NUP153: variants seen among roughly 807,000 people sequenced by gnomAD.
The protein encoded by NUP153 is nucleoporin 153.
NUP153 carries 27 observed loss-of-function variants against 134.6 expected under a neutral mutation model. The observed-to-expected ratio is 0.20, with a 90% CI of 0.15 to 0.28. NUP153 has a LOEUF of 0.28. NUP153 is among the 10% of genes least tolerant of loss of function. The pLI is 1.00. For synonymous variants in NUP153, 640 were observed against 623.5 expected (o/e 1.03, Z -0.40); for missense variants, 1,821 against 1,731.3 (o/e 1.05, Z -0.92).
intron 14 of NUP153, among the ~76,000 whole-genome samples, chr6:17,643,042 G>A (rs1765936077): frequency 6.6e-6 from 1 of 152,180 alleles, no homozygotes; most frequent in African/African-American, 2.4e-5. Flanking sequence ...CTTTTTAATG[G>A]ACAGGGGTTT....
intron 11 of NUP153, 47 bp from the exon 12 acceptor site, chr6:17,649,347 C>A: frequency 1.3e-6 from 2 of 1,547,848 alleles, no homozygotes; most frequent in Non-Finnish European, 1.8e-6. Flanking sequence ...TCACATCATT[C>A]TTTTATCTCT....
At chr6:17,700,979 C>A (rs958697320) in intron 1 of NUP153, among the ~76,000 whole-genome samples, 1 of 151,888 alleles carries the variant, frequency 6.6e-6, no homozygotes, top group African/African-American at 2.4e-5. Context: ...CAGCACTTCG[C>A]GGGAGGCCAA....
At chr6:17,663,034 T>C (rs955586040) in intron 9 of NUP153, among the ~76,000 whole-genome samples, 3 of 152,082 alleles carry the variant, frequency 2.0e-5, no homozygotes, top group Non-Finnish European at 1.5e-5. Flanking sequence ...AGTGACAACA[T>C]GTAAATAGAA....
intron 8 of NUP153, among the ~76,000 whole-genome samples, chr6:17,668,069 C>CTTTTTTTTTTTTTTTTTTTTTTT (rs762142682): frequency 1.1e-5 from 1 of 87,228 alleles, no homozygotes; most frequent in Non-Finnish European, 2.1e-5. Context: ...GTTTACTGAA[C>CTTTTTTTTTTTTTTTTTTTTTTT]TTTTTTTTTT....
In NUP153 at chr6:17,674,921, C is replaced by T. The variant is rs775696215; in HGVS notation, c.836G>A (p.Arg279Gln). ...GGAACCTACCTGATAAGGTGTATTT[C>T]GTAGTTTAGACTGTCTTACAGCAGC... ...AAAAVRQSKL[R>Q]NTPYQAPVRR... Residue 279 changes from arginine to glutamine, a missense_variant, in exon 5 of 22, where the codon CGA becomes CAA. Transcript: ENST00000262077. 8.1e-6 allele frequency: 13 copies of T among 1,608,996 alleles called. No individual in the cohort carries two copies. Among genetic ancestry groups the T allele is most frequent in the Admixed American group, 1.7e-5 (1 of 58,890 alleles).
At position 17,706,668 on chromosome 6, in the gene NUP153, C is replaced by G. The variant is rs942391184; in HGVS notation, c.-281G>C. 39 of 505,984 alleles carry G rather than the reference C, an allele frequency of 7.7e-5. 1 individual carries two copies. The highest frequency in any genetic ancestry group is 7.0e-4 in the African/African-American group (34 of 48,334). The allele number at this position is 505,984 out of a possible 1,614,324, so 31.3% of individuals were successfully genotyped here. A position where few individuals can be genotyped will look rare whatever the true frequency, so the allele number is the denominator to read the frequency against. Reference sequence around the variant, plus strand: ...CCCGCCTCTGTGTGTGTCACGGTCTCTATGGAGATCTCCCGCAGAGGACAG... The same window carrying G: ...CCCGCCTCTGTGTGTGTCACGGTCTGTATGGAGATCTCCCGCAGAGGACAG... On this transcript the variant is annotated 5_prime_UTR_variant, in exon 1 of 22. Coordinates refer to ENST00000262077, the MANE Select transcript of NUP153 (RefSeq NM_005124.4). This position sits in a 1 kb window ranked among gnomAD's most constrained non-coding sequence, Gnocchi z 5.9.
chr6:17,654,134 C>T (rs1766665581), intron 11 of NUP153, among the ~76,000 whole-genome samples: 1 of 152,110 alleles, frequency 6.6e-6, no homozygotes, highest in African/African-American at 2.4e-5. Flanking sequence ...TGAAATTTGT[C>T]ATAATCAACT....
chr6:17,705,706 A>G (rs1770437594), intron 1 of NUP153, among the ~76,000 whole-genome samples: 1 of 152,090 alleles, frequency 6.6e-6, no homozygotes, highest in Non-Finnish European at 1.5e-5. Context: ...CAATGCTCTC[A>G]AGACGAGGAG....
At chr6:17,662,823 A>C (rs1044173345) in intron 9 of NUP153, among the ~76,000 whole-genome samples, 1 of 152,186 alleles carries the variant, frequency 6.6e-6, no homozygotes, top group East Asian at 1.9e-4. Flanking sequence ...ACTGAAATCT[A>C]ATCATGAGGA....
chr6:17,636,643 A>G (rs1296449599), intron 16 of NUP153, among the ~76,000 whole-genome samples: 6 of 152,140 alleles, frequency 3.9e-5, no homozygotes, highest in African/African-American at 1.4e-4. Context: ...GAACAGAGAA[A>G]CAGAAAAAAC....
Position 17,628,575 on chromosome 6 carries a change from G to A in NUP153, c.3544+80C>T, listed in dbSNP as rs774683812. The A allele has an allele frequency of 3.3e-5, 23 of 700,850 alleles. No individual in the cohort carries two copies. Among genetic ancestry groups the A allele is most frequent in the Non-Finnish European group, 4.5e-5 (23 of 509,052 alleles). The allele number at this position is 700,850 out of a possible 1,614,324, so 43.4% of individuals were successfully genotyped here. On this transcript the variant is annotated intron_variant, in intron 18 of 21. Transcript: ENST00000262077. The surrounding 1 kb of genome is among the most constrained non-coding windows in gnomAD (Gnocchi z 5.4). The stretch of plus-strand genomic sequence containing the variant: ...AGTGTAAACCATTAATTGACTTGCT[G>A]CATCTGTCAAGGCAACTTGTAAAAC...
Position 17,632,660 on chromosome 6 carries a change from A to C in NUP153, c.2649T>G (p.Ser883=). 1.2e-6 allele frequency: 2 copies of C among 1,602,904 alleles called. No individual in the cohort carries two copies. Among genetic ancestry groups the C allele is most frequent in the South Asian group, 2.2e-5 (2 of 88,980 alleles). ...TTTTTTTGGCCTTACCTTTAAACCC[A>C]GATTTTGTGCCTGGCTTTGCACTTT... ...ACESAKPGTK[S]GFKGFDTSSS... The change falls in exon 17 of 22, where the codon TCT becomes TCG. Residue 883 remains serine, a synonymous_variant. Transcript: ENST00000262077.
intron 1 of NUP153, among the ~76,000 whole-genome samples, chr6:17,695,643 A>G (rs1281468368): frequency 6.6e-6 from 1 of 152,222 alleles, no homozygotes; most frequent in Non-Finnish European, 1.5e-5. Flanking sequence ...ACAGCCAACT[A>G]TAAGACATTA....
At chr6:17,673,987 T>C (rs927585893) in intron 5 of NUP153, among the ~76,000 whole-genome samples, 7 of 152,166 alleles carry the variant, frequency 4.6e-5, no homozygotes, top group African/African-American at 1.4e-4. Context: ...GTACTAACCA[T>C]ACTACTCAGC....
chr6:17,667,555 A>G (rs1266681717), intron 8 of NUP153, among the ~76,000 whole-genome samples: 1 of 152,144 alleles, frequency 6.6e-6, no homozygotes, highest in African/African-American at 2.4e-5. Flanking sequence ...TCTACTAAAA[A>G]TACAAAAAAT....
chr6:17,623,227 T>A (rs1764740106), intron 20 of NUP153, among the ~76,000 whole-genome samples: 1 of 151,118 alleles, frequency 6.6e-6, no homozygotes, highest in South Asian at 2.1e-4. Flanking sequence ...AAAATCCTGA[T>A]CAAAATGGTT....
At chr6:17,652,961 G>A (rs1193358686) in intron 11 of NUP153, among the ~76,000 whole-genome samples, 2 of 152,142 alleles carry the variant, frequency 1.3e-5, no homozygotes, top group Non-Finnish European at 1.5e-5. Context: ...CCCACGAGGC[G>A]GAGGTTGCAG....
intron 11 of NUP153, among the ~76,000 whole-genome samples, chr6:17,652,890 G>A (rs576661790): frequency 3.4e-4 from 51 of 152,122 alleles, no homozygotes; most frequent in South Asian, 1.2e-3. Flanking sequence ...TTAGCTGGGC[G>A]TGGTGGCGCA....
At chr6:17,633,452 T>C (rs1391663926) in intron 16 of NUP153, among the ~76,000 whole-genome samples, 1 of 152,222 alleles carries the variant, frequency 6.6e-6, no homozygotes, top group Admixed American at 6.5e-5. Context: ...AGACATTTAT[T>C]AAGCATCATA....
Sources: gnomAD v4.1 joint callset for allele counts (sites outside exome capture counted in the v4.1 genomes callset) on GRCh38, gnomAD v4.1.1 for gene constraint, Gnocchi (gnomAD v3.1) non-coding constraint, MANE v1.5 for transcripts, NCBI Gene and HGNC (gene_info 2026-07-23, HGNC 2026-07-21) for gene names.